Variants in ADAMTS17 observed in about 807,000 individuals in gnomAD.
The protein encoded by ADAMTS17 is A disintegrin and metalloproteinase with thrombospondin motifs 17.
Under a neutral mutation model 141.5 loss-of-function variants are expected in ADAMTS17, and 113 were observed. That is an observed-to-expected ratio of 0.80 (90% CI 0.69 to 0.93). ADAMTS17 has a LOEUF of 0.93. ADAMTS17 is among the 40% of genes least tolerant of loss of function. ADAMTS17 has a pLI of 0.00. For synonymous variants in ADAMTS17, 768 were observed against 630.6 expected, an observed-to-expected ratio of 1.22 and a Z score of -3.27; for missense variants, 1,659 against 1,517.9, an observed-to-expected ratio of 1.09 and a Z score of -1.54.
At chr15:100,047,511 T>C (rs549520648) in intron 18 of ADAMTS17, among the ~76,000 whole-genome samples, 6 of 151,860 alleles carry the variant, frequency 4.0e-5, no homozygotes, top group Non-Finnish European at 7.4e-5. Context: ...TTTTGTACTC[T>C]GTCCCTTTAT....
chr15:100,006,563 T>G (rs547004589), intron 18 of ADAMTS17, among the ~76,000 whole-genome samples: 20 of 152,310 alleles, frequency 1.3e-4, no homozygotes, highest in African/African-American at 4.8e-4. Flanking sequence ...TGGTAGGTCG[T>G]TATTTTCAAC....
At chr15:100,313,996 A>C (rs954731063) in intron 3 of ADAMTS17, among the ~76,000 whole-genome samples, 25 of 120,372 alleles carry the variant, frequency 2.1e-4, no homozygotes, top group African/African-American at 7.2e-4. Flanking sequence ...CCCAAACGTC[A>C]CCATGAAGAA....
chr15:100,115,235 C>A (rs1037382600), intron 13 of ADAMTS17, among the ~76,000 whole-genome samples: 1 of 152,202 alleles, frequency 6.6e-6, no homozygotes, highest in Non-Finnish European at 1.5e-5. Context: ...CCTCCTGCCA[C>A]CTCCTGCATC....
chr15:100,242,369 G>A (rs1027045244), intron 7 of ADAMTS17, among the ~76,000 whole-genome samples: 3 of 152,212 alleles, frequency 2.0e-5, no homozygotes, highest in East Asian at 1.9e-4. Context: ...GGTAACTTGA[G>A]TAAGTCTCAG....
chr15:100,152,960 G>A (rs2039252616), intron 9 of ADAMTS17, among the ~76,000 whole-genome samples, 198 bp from the exon 10 acceptor site: 1 of 20,710 alleles, frequency 4.8e-5, no homozygotes, highest in Non-Finnish European at 2.0e-4. Context: ...GGCCAAATGT[G>A]AATCTTCGCT....
At chr15:100,088,696 A>G (rs1240920484) in intron 15 of ADAMTS17, among the ~76,000 whole-genome samples, 3 of 152,056 alleles carry the variant, frequency 2.0e-5, no homozygotes, top group African/African-American at 2.4e-5. Context: ...CACATCTACA[A>G]CTATCTGATC....
At chr15:100,261,296 G>C (rs1208631227) in intron 6 of ADAMTS17, among the ~76,000 whole-genome samples, 183 bp downstream of exon 6, 1 of 152,174 alleles carries the variant, frequency 6.6e-6, no homozygotes, top group Admixed American at 6.5e-5. Context: ...CCCAGGCATC[G>C]TACCTACCTC....
chr15:100,179,085 C>A (rs2040434738), intron 8 of ADAMTS17, among the ~76,000 whole-genome samples: 1 of 152,142 alleles, frequency 6.6e-6, no homozygotes, highest in South Asian at 2.1e-4. Flanking sequence ...CTCCAACAAT[C>A]CAAGTATACT....
intron 10 of ADAMTS17, among the ~76,000 whole-genome samples, chr15:100,143,613 T>C (rs2038760570): frequency 6.6e-6 from 1 of 152,246 alleles, no homozygotes. Flanking sequence ...CCAATTTTTT[T>C]TCTAGTTCAT....
intron 18 of ADAMTS17, among the ~76,000 whole-genome samples, chr15:100,022,519 C>T (rs574057926): frequency 7.2e-5 from 11 of 152,176 alleles, no homozygotes; most frequent in Non-Finnish European, 1.3e-4. Context: ...CCCAACCAAA[C>T]GCAGTTACAG....
chr15:100,063,704 C>G, intron 15 of ADAMTS17: 1 of 1,289,948 alleles, frequency 7.8e-7, no homozygotes, highest in Non-Finnish European at 1.0e-6. Flanking sequence ...CAGGTTTATC[C>G]TCCACCACAC....
At chr15:100,284,993 T>A (rs1171300129) in intron 3 of ADAMTS17, among the ~76,000 whole-genome samples, 1 of 152,154 alleles carries the variant, frequency 6.6e-6, no homozygotes, top group Non-Finnish European at 1.5e-5. Flanking sequence ...GATGAGGACA[T>A]CGCAGTCAGG....
In ADAMTS17 at chr15:99,997,290, G is replaced by A. The variant is rs2060820647; in HGVS notation, c.2796+95C>T. 9 of 1,409,554 alleles carry A rather than the reference G, an allele frequency of 6.4e-6. No homozygotes were observed. Among genetic ancestry groups the A allele is most frequent in the Non-Finnish European group, 9.0e-6 (9 of 1,002,152 alleles). The allele number at this position is 1,409,554 out of a possible 1,614,324, so 87.3% of individuals were successfully genotyped here. On this transcript the variant is annotated intron_variant, in intron 19 of 21. Coordinates refer to ENST00000268070, the MANE Select transcript of ADAMTS17 (RefSeq NM_139057.4). The surrounding 1 kb of genome is among the most constrained non-coding windows in gnomAD (Gnocchi z 4.7). ...CACAACTTCAAGCTGACCTGGGGGC[G>A]AGCGAGGGCTGGGAGGCACCAGAAT...
At chr15:100,057,248 G>A (rs1367419481) in intron 15 of ADAMTS17, among the ~76,000 whole-genome samples, 1 of 152,184 alleles carries the variant, frequency 6.6e-6, no homozygotes, top group East Asian at 1.9e-4. Context: ...TGGCCTCAGA[G>A]GGTGGGAAGA....
At chr15:100,027,203 C>T (rs537988047) in intron 18 of ADAMTS17, among the ~76,000 whole-genome samples, 35 of 152,350 alleles carry the variant, frequency 2.3e-4, no homozygotes, top group Admixed American at 6.5e-4. Context: ...CACCCACTCT[C>T]TAAACAACGA....
At chr15:100,159,828 T>C (rs1242732278) in intron 8 of ADAMTS17, among the ~76,000 whole-genome samples, 1 of 152,202 alleles carries the variant, frequency 6.6e-6, no homozygotes, top group African/African-American at 2.4e-5. Flanking sequence ...ACGAGGCAAA[T>C]GCAAGGCCTT....
chr15:99,997,283 T>A lies in ADAMTS17; in HGVS notation c.2796+102A>T. 1 of 1,335,376 alleles carries A rather than the reference T, an allele frequency of 7.5e-7. No individual in the cohort carries two copies. The highest frequency in any genetic ancestry group is 1.2e-5 in the South Asian group (1 of 84,994). The allele number at this position is 1,335,376 out of a possible 1,614,324, so 82.7% of individuals were successfully genotyped here. A position where few individuals can be genotyped will look rare whatever the true frequency, so the allele number is the denominator to read the frequency against. ...GCTATAACACAACTTCAAGCTGACC[T>A]GGGGGCGAGCGAGGGCTGGGAGGCA... On this transcript the variant is annotated intron_variant, in intron 19 of 21. Coordinates refer to ENST00000268070, the MANE Select transcript of ADAMTS17 (RefSeq NM_139057.4). The surrounding 1 kb of genome is among the most constrained non-coding windows in gnomAD (Gnocchi z 4.7).
At chr15:100,236,309 A>G (rs2042654100) in intron 7 of ADAMTS17, among the ~76,000 whole-genome samples, 1 of 148,064 alleles carries the variant, frequency 6.8e-6, no homozygotes, top group African/African-American at 2.5e-5. Flanking sequence ...AACCCTAACA[A>G]GAGAAGACCC....
Position 99,974,387 on chromosome 15 carries a change from C to A in ADAMTS17, c.*15G>T. 1 of 1,614,006 alleles carries A rather than the reference C, an allele frequency of 6.2e-7. No homozygotes were observed. Among genetic ancestry groups the A allele is most frequent in the Non-Finnish European group, 8.5e-7 (1 of 1,180,012 alleles). ...GACCTGAGTCTGAGCTTTGAGCGAC[C>A]CTTGGGACTGCGTGTCACGAGTTCG... On this transcript the variant is annotated 3_prime_UTR_variant, in exon 22 of 22. Coordinates refer to ENST00000268070, the MANE Select transcript of ADAMTS17 (RefSeq NM_139057.4).
Sources: allele counts gnomAD v4.1 joint callset (sites outside exome capture counted in the v4.1 genomes callset), GRCh38; gene constraint gnomAD v4.1.1; non-coding constraint Gnocchi (gnomAD v3.1); transcripts MANE v1.5; gene names NCBI Gene and HGNC (gene_info 2026-07-23, HGNC 2026-07-21).